The following AP5Z1 variants were observed in gnomAD, a reference collection of about 807,000 sequenced individuals.
AP5Z1 encodes AP-5 complex subunit zeta-1.
Under a neutral mutation model 83.0 loss-of-function variants are expected in AP5Z1, and 106 were observed. The observed-to-expected ratio is 1.28, with a 90% CI of 1.09 to 1.50. The LOEUF (loss-of-function observed/expected upper bound fraction) is 1.50. Ranked by LOEUF, AP5Z1 falls within the 40% of genes most tolerant of loss-of-function variation. AP5Z1 has a pLI of 0.00. For missense variants in AP5Z1, 1,565 were observed against 1,094.2 expected (o/e 1.43, Z -6.07); for synonymous variants, 751 against 514.1 (o/e 1.46, Z -6.23).
chr7:4,789,077 G>A, intron 13 of AP5Z1, 126 bp downstream of exon 13: 2 of 814,620 alleles, frequency 2.5e-6, no homozygotes, highest in Non-Finnish European at 3.9e-6. Flanking sequence ...ACCATCCACG[G>A]TCCCTGTGAG....
rs1583243797 is a variant in AP5Z1, at chr7:4,791,457, A to AT, written c.*73dup. 2 of 1,507,454 alleles carry AT rather than the reference A, an allele frequency of 1.3e-6. No individual in the cohort carries two copies. Among genetic ancestry groups the AT allele is most frequent in the East Asian group, 4.9e-5 (2 of 40,868 alleles). The allele number at this position is 1,507,454 out of a possible 1,614,324, so 93.4% of individuals were successfully genotyped here. A position where few individuals can be genotyped will look rare whatever the true frequency, so the allele number is the denominator to read the frequency against. On this transcript the variant is annotated 3_prime_UTR_variant, in exon 17 of 17. Coordinates refer to ENST00000649063, the MANE Select transcript of AP5Z1 (RefSeq NM_014855.3). ...CCAGCTTGCTACTGAGGCCAGGCTG[A>AT]TAGGAGCTCAGGAGGGCGCGGGAGT...
In AP5Z1 at chr7:4,789,166, C is replaced by T. The variant is rs1339282312; in HGVS notation, c.1707+215C>T. On this transcript the variant is annotated intron_variant, in intron 13 of 16. Transcript: ENST00000649063. ...CCTTTATTCCAGCAGGCCCCGTTCC[C>T]CAGTCCCCGTCCCATCCCCTTCATC... 5.7e-6 allele frequency: 3 copies of T among 526,490 alleles called. No individual in the cohort carries two copies. In the Admixed American group the frequency reaches 1.0e-4, roughly 18 times the overall value. 32.6% of individuals were successfully genotyped at this position (526,490 alleles called of 1,614,324 possible).
chr7:4,783,883 G>A, intron 5 of AP5Z1, 85 bp downstream of exon 5: 1 of 1,376,856 alleles, frequency 7.3e-7, no homozygotes, highest in Non-Finnish European at 9.9e-7. Flanking sequence ...CAGCGGCGAG[G>A]CCTGCTGTCG....
chr7:4,787,633 G>T lies in AP5Z1; in HGVS notation c.1312-1G>T, dbSNP rs1394809066. The T allele has an allele frequency of 1.3e-6, 2 of 1,551,400 alleles. No homozygotes were observed. Among genetic ancestry groups the T allele is most frequent in the Non-Finnish European group, 1.7e-6 (2 of 1,148,170 alleles). The stretch of plus-strand genomic sequence containing the variant: ...TCCGAACCGCTGTGCTGTGCCCACA[G>T]TTCCTGGCCTGGAACAGCCCACCCC... On this transcript the variant is annotated splice_acceptor_variant, in intron 10 of 16. Coordinates refer to ENST00000649063, the MANE Select transcript of AP5Z1 (RefSeq NM_014855.3). LOFTEE classifies it high-confidence loss of function.
intron 13 of AP5Z1, 58 bp from the exon 14 acceptor site, chr7:4,789,773 CA>C (rs1781689127): frequency 7.0e-7 from 1 of 1,425,942 alleles, no homozygotes; most frequent in African/African-American, 1.4e-5. Flanking sequence ...GCTTCACCCC[CA>C]ACCTTAGGGC....
At chr7:4,779,117 G>T (rs1272867299) in intron 1 of AP5Z1, among the ~76,000 whole-genome samples, 1 of 139,572 alleles carries the variant, frequency 7.2e-6, no homozygotes, top group East Asian at 2.0e-4. Context: ...ATACATTTTT[G>T]AGATAGAGCA....
At position 4,784,025 on chromosome 7, in the gene AP5Z1, G is replaced by A. The variant is rs150965617; in HGVS notation, c.622-178G>A. Among the ~76,000 whole-genome samples the A allele has an allele frequency of 1.2e-3, 177 of 152,322 alleles. 1 individual carries two copies. Among genetic ancestry groups the A allele is most frequent in the African/African-American group, 3.9e-3 (162 of 41,586 alleles). On this transcript the variant is annotated intron_variant, in intron 5 of 16. Transcript: ENST00000649063. ...CCAGGGCCTGCGGAGCAGGGTGTGC[G>A]ACGCGCGTCTGCCTGGGGGTCAGGT... is the stretch of plus-strand genomic sequence containing the variant.
chr7:4,788,734 T>C, intron 12 of AP5Z1, 106 bp from the exon 13 acceptor site: 1 of 995,680 alleles, frequency 1.0e-6, no homozygotes, highest in Admixed American at 2.8e-5. Flanking sequence ...TGAGTGAGGA[T>C]GGGAGCGGGC....
chr7:4,777,863 T>G (rs922526865), intron 1 of AP5Z1, among the ~76,000 whole-genome samples: 1 of 152,224 alleles, frequency 6.6e-6, no homozygotes, highest in African/African-American at 2.4e-5. Flanking sequence ...TTCACAATAT[T>G]CTTAAGCCTG....
intron 7 of AP5Z1, 139 bp from the exon 8 acceptor site, chr7:4,785,276 T>C (rs1781504859): frequency 1.5e-6 from 2 of 1,328,360 alleles, no homozygotes; most frequent in Admixed American, 5.1e-5. Context: ...CTCGCCTCAG[T>C]CCCACTCAAG....
chr7:4,786,446 T>G lies in AP5Z1; in HGVS notation c.1311+18T>G. 6.2e-7 allele frequency: 1 copy of G among 1,612,114 alleles called. No individual in the cohort carries two copies. The highest frequency in any genetic ancestry group is 1.1e-5 in the South Asian group (1 of 91,026). On this transcript the variant is annotated intron_variant, in intron 10 of 16. Transcript: ENST00000649063. ...TCTTTAAGGTATATTTGGGCATCCC[T>G]GGGTGCCAGGGCAGGGGCATGGTAA...
At chr7:4,779,045 TAG>T (rs1254281984) in intron 1 of AP5Z1, among the ~76,000 whole-genome samples, 1 of 135,132 alleles carries the variant, frequency 7.4e-6, no homozygotes. Flanking sequence ...AATATATATA[TAG>T]ATAGATAGAT....
At position 4,790,835 on chromosome 7, in the gene AP5Z1, C is replaced by T; in HGVS notation, c.2101C>T (p.Leu701=). The part of the protein sequence containing the change: ...PRCPPQVVTV[L]MTTLTKLASR... ...GTGTCCCCCCCAGGTGGTCACCGTG[C>T]TGATGACCACGCTGACGAAGCTGGC... Residue 701 remains leucine, a synonymous_variant, in exon 16 of 17, where the codon CTG becomes TTG. Coordinates refer to ENST00000649063, the MANE Select transcript of AP5Z1 (RefSeq NM_014855.3). The T allele has an allele frequency of 1.2e-6, 2 of 1,609,454 alleles. No individual in the cohort carries two copies. Among genetic ancestry groups the T allele is most frequent in the Non-Finnish European group, 1.7e-6 (2 of 1,178,908 alleles).
rs1313908595 is a variant in AP5Z1, at chr7:4,790,693, C to T, written c.1959C>T (p.Tyr653=). ...VTSVVWAIGE[Y]LSVTYDRRCT... ...CCTAGGTGTGGGCCATCGGCGAGTA[C>T]CTGTCGGTGACCTACGATCGGAGGT... The change falls in exon 16 of 17, where the codon TAC becomes TAT. Residue 653 remains tyrosine (Y), a synonymous_variant. Transcript: ENST00000649063. 1 of 1,611,756 alleles carries T rather than the reference C, an allele frequency of 6.2e-7. No individual in the cohort carries two copies. Among genetic ancestry groups the T allele is most frequent in the Admixed American group, 1.7e-5 (1 of 59,898 alleles).
At position 4,786,467 on chromosome 7, in the gene AP5Z1, G is replaced by GGTAA. The variant is rs569253250; in HGVS notation, c.1311+42_1311+45dup. On this transcript the variant is annotated intron_variant, in intron 10 of 16. Coordinates refer to ENST00000649063, the MANE Select transcript of AP5Z1 (RefSeq NM_014855.3). Reference sequence around the variant, plus strand: ...TCCCTGGGTGCCAGGGCAGGGGCATGGTAAGTCCCTGGGGCTCCTCCCCTC... The same window carrying GGTAA: ...TCCCTGGGTGCCAGGGCAGGGGCATGGTAAGTAAGTCCCTGGGGCTCCTCCCCTC... 614 of 1,604,410 alleles carry GGTAA rather than the reference G, an allele frequency of 3.8e-4. 5 individuals carry two copies. The African/African-American group carries it at 7.6e-3, about 20-fold the overall frequency.
intron 1 of AP5Z1, among the ~76,000 whole-genome samples, chr7:4,776,752 A>C (rs552571163): frequency 6.6e-6 from 1 of 152,022 alleles, no homozygotes; most frequent in East Asian, 1.9e-4. Flanking sequence ...AAAAGAAAAA[A>C]AGTAAAGAAA....
At position 4,791,202 on chromosome 7, in the gene AP5Z1, C is replaced by G. The variant is rs760812038; in HGVS notation, c.2241C>G (p.Ile747Met). 4.4e-5 allele frequency: 71 copies of G among 1,612,474 alleles called. No homozygotes were observed. Among genetic ancestry groups the G allele is most frequent in the Non-Finnish European group, 5.8e-5 (68 of 1,179,786 alleles). ...ACAGCGAGGAGGGCGCGGAAGCCAT[C>G]CGTACCCGGGCCACAGAGCTGCTGA... ...STHSEEGAEA[I>M]RTRATELLTL... Residue 747 changes from isoleucine (I) to methionine (M), a missense_variant, in exon 17 of 17, where the codon ATC becomes ATG. Ile to Met is a conservative substitution (Grantham distance 10). Coordinates refer to ENST00000649063, the MANE Select transcript of AP5Z1 (RefSeq NM_014855.3).
chr7:4,779,395 A>G (rs924695950), intron 1 of AP5Z1, among the ~76,000 whole-genome samples: 1 of 146,894 alleles, frequency 6.8e-6, no homozygotes, highest in African/African-American at 2.5e-5. Context: ...CATGATTATT[A>G]TATATCATAT....
rs1188940580 is a variant in AP5Z1, at chr7:4,786,572, G to A, written c.1311+144G>A. 3 of 928,268 alleles carry A rather than the reference G, an allele frequency of 3.2e-6. No homozygotes were observed. The East Asian group carries it at 7.4e-5, about 23-fold the overall frequency. 57.5% of individuals were successfully genotyped at this position (928,268 alleles called of 1,614,324 possible). On this transcript the variant is annotated intron_variant, in intron 10 of 16. Coordinates refer to ENST00000649063, the MANE Select transcript of AP5Z1 (RefSeq NM_014855.3). ...GGGCCTGGAATGCGGTGTGCAGGGT[G>A]AGGTGGGGATCTGGGGTGTCCCTGC... is the stretch of plus-strand genomic sequence containing the variant.
Sources: allele counts gnomAD v4.1 joint callset (sites outside exome capture counted in the v4.1 genomes callset), GRCh38; gene constraint gnomAD v4.1.1; transcripts MANE v1.5; gene names NCBI Gene and HGNC (gene_info 2026-07-23, HGNC 2026-07-21).